Variants in MAOA observed in about 807,000 individuals in gnomAD.
The protein encoded by MAOA is monoamine oxidase A, also known as amine oxidase [flavin-containing] A.
MAOA carries 6 observed loss-of-function variants against 42.0 expected under a neutral mutation model. That is an observed-to-expected ratio of 0.14 (90% CI 0.08 to 0.28). MAOA has a LOEUF of 0.28. Ranked by LOEUF, MAOA falls within the 10% of genes least tolerant of loss-of-function variation. The pLI is 1.00. For missense variants in MAOA, 262 were observed against 422.3 expected (o/e 0.62, Z 3.33); for synonymous variants, 140 against 154.0 (o/e 0.91, Z 0.67).
chrX:43,705,409 C>T (rs1393065483), intron 3 of MAOA, among the ~76,000 whole-genome samples: 7 of 112,141 alleles, frequency 6.2e-5, no homozygotes, highest in Non-Finnish European at 1.3e-4. Flanking sequence ...GTTGGAACGA[C>T]TGGATATCCA....
chrX:43,712,665 G>A, intron 4 of MAOA, 40 bp from the exon 5 acceptor site: 1 of 937,795 alleles, frequency 1.1e-6, no homozygotes, highest in Non-Finnish European at 1.5e-6. Context: ...AGAGGTGGCA[G>A]TTACCATCAA....
chrX:43,657,325 C>A (rs1050502766), intron 1 of MAOA, among the ~76,000 whole-genome samples: 2 of 103,387 alleles, frequency 1.9e-5, no homozygotes, highest in Admixed American at 2.2e-4. Context: ...TATGAACTTG[C>A]AGGAAGGTGT....
At chrX:43,673,513 T>C (rs1341342143) in intron 1 of MAOA, among the ~76,000 whole-genome samples, 1 of 109,002 alleles carries the variant, frequency 9.2e-6, no homozygotes, top group African/African-American at 3.3e-5. Context: ...GCTCTTGCTT[T>C]TCTAGTTCTT....
chrX:43,735,103 A>G (rs1348372587), intron 9 of MAOA, among the ~76,000 whole-genome samples: 1 of 112,029 alleles, frequency 8.9e-6, no homozygotes, highest in Non-Finnish European at 1.9e-5. Flanking sequence ...TATTCTCTAC[A>G]TTAACATACA....
chrX:43,671,840 C>T (rs1157214610), intron 1 of MAOA, among the ~76,000 whole-genome samples: 1 of 102,757 alleles, frequency 9.7e-6, no homozygotes, highest in Admixed American at 1.1e-4. Context: ...GTTTTGGTTA[C>T]TGTAGCCTTG....
At chrX:43,665,295 A>T (rs2033266214) in intron 1 of MAOA, among the ~76,000 whole-genome samples, 1 of 111,513 alleles carries the variant, frequency 9.0e-6, no homozygotes, top group African/African-American at 3.3e-5. Context: ...TTGCTGCAGG[A>T]CTTCTCAGGA....
intron 1 of MAOA, 113 bp from the exon 2 acceptor site, chrX:43,683,400 C>A: frequency 1.7e-6 from 1 of 576,222 alleles, no homozygotes; most frequent in South Asian, 2.5e-5. Flanking sequence ...AGAAAGACAG[C>A]AAAATCATTG....
rs761750607 is a variant in MAOA at position 43,746,817 on chromosome X, A to G, written c.*2304A>G. 8.9e-6 allele frequency: 1 copy of G among 111,946 alleles called. No individual in the cohort carries two copies. Among genetic ancestry groups the G allele is most frequent in the East Asian group, 2.8e-4 (1 of 3,545 alleles). The allele number at this position is 111,946 out of a possible 1,213,427, so 9.2% of individuals were successfully genotyped here. Reference sequence around the variant, plus strand: ...TTAATAAAGTGCACTGCCACCCCCAATGCAGACTCGACTCCTGTATTTAGT... The same window carrying G: ...TTAATAAAGTGCACTGCCACCCCCAGTGCAGACTCGACTCCTGTATTTAGT... On this transcript the variant is annotated 3_prime_UTR_variant, in exon 15 of 15. Coordinates refer to ENST00000338702, the MANE Select transcript of MAOA (RefSeq NM_000240.4).
rs754358135 is a variant in MAOA at position 43,742,039 on chromosome X, A to G, written c.1254A>G (p.Gln418=). Residue 418 remains glutamine (Q), a synonymous_variant, in exon 12 of 15, where the codon CAA becomes CAG. Coordinates refer to ENST00000338702, the MANE Select transcript of MAOA (RefSeq NM_000240.4). ...ACTTCCCTCCTGGGATCATGACTCA[A>G]TATGGAAGGTATTACGCAAGCACTA... The part of the protein sequence containing the change: ...TAYFPPGIMT[Q]YGRVIRQPVG... The G allele has an allele frequency of 2.1e-5, 25 of 1,211,568 alleles. No individual in the cohort carries two copies. The highest frequency in any genetic ancestry group is 6.5e-5 in the Admixed American group (3 of 45,986).
intron 10 of MAOA, among the ~76,000 whole-genome samples, chrX:43,740,400 A>G (rs1191723973): frequency 8.9e-6 from 1 of 111,797 alleles, no homozygotes; most frequent in East Asian, 2.8e-4. Flanking sequence ...TCTCGAGAAG[A>G]TATCATATTA....
chrX:43,728,104 G>A, intron 5 of MAOA, 69 bp from the exon 6 acceptor site: 1 of 1,059,715 alleles, frequency 9.4e-7, no homozygotes, highest in African/African-American at 1.8e-5. Context: ...AAATCGTGTT[G>A]TAAAAACATG....
chrX:43,662,858 C>T (rs182075337), intron 1 of MAOA, among the ~76,000 whole-genome samples: 1 of 110,068 alleles, frequency 9.1e-6, no homozygotes, highest in East Asian at 2.9e-4. Context: ...TGAATCAAAA[C>T]ATTTTCTAAA....
chrX:43,685,276 A>G (rs1205149667), intron 2 of MAOA, among the ~76,000 whole-genome samples: 1 of 111,739 alleles, frequency 8.9e-6, no homozygotes, highest in Non-Finnish European at 1.9e-5. Flanking sequence ...GGCTGAAAGG[A>G]GAGTGAAAGG....
chrX:43,735,091 A>G (rs2033910298), intron 9 of MAOA, among the ~76,000 whole-genome samples: 1 of 112,036 alleles, frequency 8.9e-6, no homozygotes, highest in South Asian at 3.7e-4. Context: ...TCTCTGAAAT[A>G]CTATTCTCTA....
At position 43,721,568 on chromosome X, in the gene MAOA, T is replaced by C. The variant is rs577421591; in HGVS notation, c.504-6605T>C. Among the ~76,000 whole-genome samples the C allele has an allele frequency of 1.7e-4, 19 of 110,793 alleles. No homozygotes were observed. The South Asian group carries it at 7.4e-3, about 43-fold the overall frequency. The stretch of plus-strand genomic sequence containing the variant: ...CCACCACTGCTATAGCCTGGACATA[T>C]TGGTAGCCTGGACCAGGGCTGTGGC... On this transcript the variant is annotated intron_variant, in intron 5 of 14. Coordinates refer to ENST00000338702, the MANE Select transcript of MAOA (RefSeq NM_000240.4).
intron 11 of MAOA, among the ~76,000 whole-genome samples, chrX:43,741,047 G>A (rs952435109): frequency 8.1e-5 from 9 of 111,370 alleles, no homozygotes; most frequent in African/African-American, 2.9e-4. Context: ...TAGAACAGAA[G>A]TCCTGCCCCC....
intron 2 of MAOA, among the ~76,000 whole-genome samples, chrX:43,684,383 G>A (rs1185751242): frequency 9.0e-6 from 1 of 111,045 alleles, no homozygotes; most frequent in Non-Finnish European, 1.9e-5. Context: ...GGCAAAGATG[G>A]AAGTTTTTGC....
At chrX:43,694,213 T>C (rs2033559864) in intron 3 of MAOA, among the ~76,000 whole-genome samples, 2 of 111,608 alleles carry the variant, frequency 1.8e-5, no homozygotes, top group African/African-American at 6.5e-5. Context: ...CTCATTCTAA[T>C]GTCAGGATTC....
At chrX:43,683,724 C>A in intron 2 of MAOA, 117 bp downstream of exon 2, 1 of 554,275 alleles carries the variant, frequency 1.8e-6, no homozygotes, top group African/African-American at 2.3e-5. Flanking sequence ...AGCCGTTTGT[C>A]CTCCATAGCC....
Sources: allele counts gnomAD v4.1 joint callset (sites outside exome capture counted in the v4.1 genomes callset), GRCh38; gene constraint gnomAD v4.1.1; transcripts MANE v1.5; gene names NCBI Gene and HGNC (gene_info 2026-07-23, HGNC 2026-07-21).